AFF2: variants seen among roughly 807,000 people sequenced by gnomAD.
AFF2 encodes the protein ALF transcription elongation factor 2.
AFF2 carries 14 observed loss-of-function variants against 76.9 expected under a neutral mutation model. The ratio of observed to expected loss-of-function variants is 0.18; its 90% CI spans 0.12 to 0.28. The LOEUF is 0.28. Among genes scored for constraint, AFF2 ranks in the 10% least tolerant of loss-of-function variants. The pLI, the probability that AFF2 is intolerant of heterozygous loss-of-function variation, is 1.00. For synonymous variants in AFF2, 398 were observed against 366.7 expected (o/e 1.09, Z -0.98); for missense variants, 868 against 1,001.1 (o/e 0.87, Z 1.79).
rs1285266744 is a variant in AFF2, at chrX:148,993,150, A to G, written c.*1818A>G. The G allele has an allele frequency of 8.9e-6, 1 of 112,706 alleles. No individual in the cohort carries two copies. Among genetic ancestry groups the G allele is most frequent in the African/African-American group, 3.2e-5 (1 of 30,882 alleles). 9.3% of individuals were successfully genotyped at this position (112,706 alleles called of 1,213,427 possible). On this transcript the variant is annotated 3_prime_UTR_variant, in exon 21 of 21. Coordinates refer to ENST00000370460, the MANE Select transcript of AFF2 (RefSeq NM_002025.4). ...ATAAGGCTGTGGAAGTTGTACTCCAATGGCTGAAGCCATGTTGTTAATATG... is the reference window on the plus strand; with the variant it reads ...ATAAGGCTGTGGAAGTTGTACTCCAGTGGCTGAAGCCATGTTGTTAATATG...
At chrX:148,625,556 A>G (rs993239117) in intron 1 of AFF2, among the ~76,000 whole-genome samples, 6 of 110,715 alleles carry the variant, frequency 5.4e-5, no homozygotes, top group Admixed American at 4.9e-4. Context: ...TTAGTGATCT[A>G]GTGCTGCCTG....
rs1557292445 is a variant in AFF2, at chrX:148,992,480, C to T, written c.*1148C>T. On this transcript the variant is annotated 3_prime_UTR_variant, in exon 21 of 21. Coordinates refer to ENST00000370460, the MANE Select transcript of AFF2 (RefSeq NM_002025.4). Reference sequence around the variant, plus strand: ...TTTCTTTTTTCTCTTATCTGTGTTTCCCTTTCCTTTGTTTGGCTCATTAAC... The same window carrying T: ...TTTCTTTTTTCTCTTATCTGTGTTTTCCTTTCCTTTGTTTGGCTCATTAAC... 8.9e-6 allele frequency: 1 copy of T among 112,009 alleles called. No individual in the cohort carries two copies. The highest frequency in any genetic ancestry group is 3.2e-5 in the African/African-American group (1 of 30,869). 9.2% of individuals were successfully genotyped at this position (112,009 alleles called of 1,213,427 possible).
At chrX:148,956,728 C>A in intron 11 of AFF2, 115 bp downstream of exon 11, 1 of 699,609 alleles carries the variant, frequency 1.4e-6, no homozygotes, top group South Asian at 2.9e-5. Flanking sequence ...CAGATTTTGG[C>A]AAAGGTGATG....
chrX:148,856,430 A>G (rs1463442233), intron 7 of AFF2, among the ~76,000 whole-genome samples: 2 of 111,620 alleles, frequency 1.8e-5, no homozygotes, highest in African/African-American at 6.5e-5. Context: ...ATAGCCAGTA[A>G]TGATGGATTC....
At chrX:148,732,112 G>T (rs1249496874) in intron 3 of AFF2, among the ~76,000 whole-genome samples, 6 of 84,804 alleles carry the variant, frequency 7.1e-5, no homozygotes, top group Non-Finnish European at 1.3e-4. Context: ...CTGCTATAAA[G>T]ACACATGCAC....
intron 1 of AFF2, among the ~76,000 whole-genome samples, chrX:148,504,796 C>T (rs1475933621): frequency 6.2e-5 from 7 of 112,524 alleles, no homozygotes; most frequent in Admixed American, 5.6e-4. Flanking sequence ...CAGCTCCAGC[C>T]GGGCATGGCC....
At chrX:148,922,297 G>C (rs1368723919) in intron 9 of AFF2, among the ~76,000 whole-genome samples, 1 of 111,992 alleles carries the variant, frequency 8.9e-6, no homozygotes, top group African/African-American at 3.2e-5. Context: ...ACCATCCCTA[G>C]AGTCAGGGGA....
At chrX:148,848,814 A>G (rs2070698199) in intron 7 of AFF2, among the ~76,000 whole-genome samples, 1 of 112,029 alleles carries the variant, frequency 8.9e-6, no homozygotes, top group South Asian at 3.7e-4. Flanking sequence ...CAAGAAGTAT[A>G]CCAACTCTTG....
intron 3 of AFF2, among the ~76,000 whole-genome samples, chrX:148,787,614 A>T (rs781927702): frequency 8.9e-6 from 1 of 111,924 alleles, no homozygotes; most frequent in Admixed American, 9.5e-5. Flanking sequence ...CAGTTCAGTA[A>T]CACAAGAGTG....
intron 3 of AFF2, among the ~76,000 whole-genome samples, chrX:148,803,014 C>A (rs2070080451): frequency 9.0e-6 from 1 of 111,504 alleles, no homozygotes; most frequent in Non-Finnish European, 1.9e-5. Context: ...CCATTAATGG[C>A]AGTACACTAA....
At chrX:148,881,370 T>TG (rs2071093712) in intron 7 of AFF2, among the ~76,000 whole-genome samples, 1 of 111,316 alleles carries the variant, frequency 9.0e-6, no homozygotes, top group African/African-American at 3.3e-5. Flanking sequence ...CAACTTCAAC[T>TG]GGGGGGTCGC....
At chrX:148,895,010 C>T (rs111421874) in intron 8 of AFF2, among the ~76,000 whole-genome samples, 1 of 111,580 alleles carries the variant, frequency 9.0e-6, no homozygotes, top group African/African-American at 3.3e-5. Context: ...TCTTCCCCCT[C>T]CTGTGGAGTC....
Position 148,501,000 on chromosome X carries a change from C to T in AFF2, c.-98C>T. 9.6e-7 allele frequency: 1 copy of T among 1,040,675 alleles called. No homozygotes were observed. Among genetic ancestry groups the T allele is most frequent in the Non-Finnish European group, 1.3e-6 (1 of 781,014 alleles). 85.8% of individuals were successfully genotyped at this position (1,040,675 alleles called of 1,213,427 possible). On this transcript the variant is annotated 5_prime_UTR_variant, in exon 1 of 21. Transcript: ENST00000370460. ...TAGCTGGGCGGGAGGGCTGGAGAGC[C>T]GGGGGCCGCCGAGAACCGCCAGCGA...
At chrX:148,882,382 T>C (rs1326279126) in intron 7 of AFF2, among the ~76,000 whole-genome samples, 1 of 112,138 alleles carries the variant, frequency 8.9e-6, no homozygotes, top group East Asian at 2.8e-4. Flanking sequence ...GATTATTCTA[T>C]GTCTCAATAC....
intron 2 of AFF2, among the ~76,000 whole-genome samples, chrX:148,660,041 C>T (rs1314124483): frequency 8.9e-6 from 1 of 112,033 alleles, no homozygotes; most frequent in Non-Finnish European, 1.9e-5. Context: ...GGAGGATAAG[C>T]AAACTAAAAT....
intron 9 of AFF2, among the ~76,000 whole-genome samples, chrX:148,916,445 C>G (rs2071533735): frequency 9.2e-6 from 1 of 108,941 alleles, no homozygotes; most frequent in Admixed American, 9.8e-5. Context: ...CTCCTGACCT[C>G]GTGATCTTCC....
chrX:148,687,746 T>G (rs1557260441), intron 3 of AFF2, among the ~76,000 whole-genome samples: 1 of 110,647 alleles, frequency 9.0e-6, no homozygotes. Flanking sequence ...TTAATACACA[T>G]TGATGTTTAA....
chrX:148,718,238 C>G (rs2124537459), intron 3 of AFF2, among the ~76,000 whole-genome samples: 1 of 111,777 alleles, frequency 8.9e-6, no homozygotes, highest in South Asian at 3.8e-4. Flanking sequence ...TCATGTCCCT[C>G]TGTTCTCAGA....
At chrX:148,666,533 C>T (rs1306598688) in intron 3 of AFF2, among the ~76,000 whole-genome samples, 1 of 109,548 alleles carries the variant, frequency 9.1e-6, no homozygotes, top group Non-Finnish European at 1.9e-5. Flanking sequence ...TGCAGTGAGC[C>T]GAGGTTGCAC....
Sources: allele counts gnomAD v4.1 joint callset (sites outside exome capture counted in the v4.1 genomes callset), GRCh38; gene constraint gnomAD v4.1.1; transcripts MANE v1.5; gene names NCBI Gene and HGNC (gene_info 2026-07-23, HGNC 2026-07-21).